Variants in RANBP9 observed in about 807,000 individuals in gnomAD.
RANBP9 encodes the protein ran-binding protein 9.
RANBP9 carries 15 observed loss-of-function variants against 84.3 expected under a neutral mutation model. The ratio of observed to expected loss-of-function variants is 0.18; its 90% CI spans 0.12 to 0.27. The LOEUF is 0.27. Ranked by LOEUF, RANBP9 falls within the 10% of genes least tolerant of loss-of-function variation. RANBP9 has a pLI of 1.00. For synonymous variants in RANBP9, 392 were observed against 349.6 expected, an observed-to-expected ratio of 1.12 and a Z score of -1.35; for missense variants, 809 against 912.8, an observed-to-expected ratio of 0.89 and a Z score of 1.46.
intron 8 of RANBP9, among the ~76,000 whole-genome samples, chr6:13,640,025 G>C (rs546420384): frequency 1.3e-5 from 2 of 152,078 alleles, no homozygotes; most frequent in Non-Finnish European, 2.9e-5. Flanking sequence ...AAGAAGATAT[G>C]AACCCCATTT....
At position 13,684,736 on chromosome 6, in the gene RANBP9, T is replaced by C. The variant is rs1766128696; in HGVS notation, c.683+12049A>G. Among the ~76,000 whole-genome samples, 4 of 152,098 alleles carry C rather than the reference T, an allele frequency of 2.6e-5. No individual in the cohort carries two copies. In the South Asian group the frequency reaches 8.3e-4, roughly 32 times the overall value. On this transcript the variant is annotated intron_variant, in intron 2 of 13. Transcript: ENST00000011619. ...CTCCCTAAAGGGATACTCTAACGGG[T>C]AGGACAGATCTTAAATAAATAATTA... is the stretch of plus-strand genomic sequence containing the variant.
Position 13,687,266 on chromosome 6 carries a change from C to A in RANBP9, c.683+9519G>T, listed in dbSNP as rs150190325. Among the ~76,000 whole-genome samples, 795 of 152,238 alleles carry A rather than the reference C, an allele frequency of 5.2e-3. 4 individuals are homozygous for A. The highest frequency in any genetic ancestry group is 0.018 in the African/African-American group (750 of 41,546). On this transcript the variant is annotated intron_variant, in intron 2 of 13. Transcript: ENST00000011619. ...CATTTATTTTTAGTCAAAGCCTTTGCTATTAATTTTCTGGGATTCCCCTAG... is the reference window on the plus strand; with the variant it reads ...CATTTATTTTTAGTCAAAGCCTTTGATATTAATTTTCTGGGATTCCCCTAG...
At chr6:13,632,648 A>G in intron 11 of RANBP9, 127 bp from the exon 12 acceptor site, 2 of 903,040 alleles carry the variant, frequency 2.2e-6, no homozygotes, top group Non-Finnish European at 3.3e-6. Flanking sequence ...CTAAATATGC[A>G]GATTGTTAAA....
intron 10 of RANBP9, among the ~76,000 whole-genome samples, chr6:13,637,032 A>C (rs974778490): frequency 1.3e-5 from 2 of 152,226 alleles, no homozygotes; most frequent in Non-Finnish European, 2.9e-5. Context: ...AAATTGACCC[A>C]GTCCTGGATG....
intron 5 of RANBP9, among the ~76,000 whole-genome samples, chr6:13,645,640 G>A (rs976536015): frequency 6.6e-6 from 1 of 152,118 alleles, no homozygotes; most frequent in East Asian, 1.9e-4. Context: ...GCTCATGGTC[G>A]TTCTGCTAAC....
chr6:13,701,573 G>C (rs1757971590), intron 1 of RANBP9, among the ~76,000 whole-genome samples: 1 of 152,104 alleles, frequency 6.6e-6, no homozygotes, highest in Non-Finnish European at 1.5e-5. Context: ...TGGAGTTCGA[G>C]ACCAGCCTGG....
chr6:13,687,958 C>CCAGCAGCAGCAGTGGCAGCAGCCAG (rs1446753772), intron 2 of RANBP9, among the ~76,000 whole-genome samples: 6 of 152,340 alleles, frequency 3.9e-5, no homozygotes, highest in African/African-American at 1.4e-4. Flanking sequence ...TGAGCTTCCT[C>CCAGCAGCAGCAGTGGCAGCAGCCAG]CAGCAGCAGC....
At chr6:13,656,037 CAGAAAT>C (rs1430311241) in intron 4 of RANBP9, among the ~76,000 whole-genome samples, 1 of 152,026 alleles carries the variant, frequency 6.6e-6, no homozygotes, top group Non-Finnish European at 1.5e-5. Flanking sequence ...AATCAGTAAT[CAGAAAT>C]AGAAATGCTA....
chr6:13,651,287 AAG>A (rs1274224701), intron 5 of RANBP9, among the ~76,000 whole-genome samples: 1 of 152,150 alleles, frequency 6.6e-6, no homozygotes, highest in East Asian at 1.9e-4. Context: ...ACCTCTACCG[AAG>A]AGAGTTACTG....
intron 2 of RANBP9, among the ~76,000 whole-genome samples, chr6:13,693,574 C>T (rs1047613268): frequency 6.6e-6 from 1 of 152,020 alleles, no homozygotes. Context: ...TGGTGAAACC[C>T]CGACTCTACT....
At chr6:13,629,920 T>G (rs150144108) in intron 12 of RANBP9, among the ~76,000 whole-genome samples, 1,597 of 82,110 alleles carry the variant, frequency 0.019, 12 homozygotes, top group African/African-American at 0.046. Flanking sequence ...TCTCTCTCTC[T>G]CGTGTGTGTG....
chr6:13,624,840 A>C (rs1322708745), intron 13 of RANBP9, among the ~76,000 whole-genome samples: 3 of 152,196 alleles, frequency 2.0e-5, no homozygotes, highest in Non-Finnish European at 2.9e-5. Flanking sequence ...ATATAAATGC[A>C]AATAGAATGT....
chr6:13,633,664 A>G (rs1013710270), intron 11 of RANBP9, among the ~76,000 whole-genome samples: 1 of 152,232 alleles, frequency 6.6e-6, no homozygotes, highest in African/African-American at 2.4e-5. Context: ...ATTACTCTTC[A>G]GAAACTGAGG....
intron 1 of RANBP9, among the ~76,000 whole-genome samples, chr6:13,700,568 G>C (rs984824253): frequency 1.3e-5 from 2 of 152,098 alleles, no homozygotes; most frequent in East Asian, 3.9e-4. Flanking sequence ...TCTCCAACTT[G>C]GTTGAAGCTC....
rs1156426809 is a variant in RANBP9 at position 13,642,468 on chromosome 6, A to C, written c.1225+11T>G. The C allele has an allele frequency of 6.7e-7, 1 of 1,482,004 alleles. No individual in the cohort carries two copies. Among genetic ancestry groups the C allele is most frequent in the Non-Finnish European group, 9.2e-7 (1 of 1,083,424 alleles). 91.8% of individuals were successfully genotyped at this position (1,482,004 alleles called of 1,614,324 possible). Reference sequence around the variant, plus strand: ...AAAACAAATGTTAGCCATGCACCACAGTGTCCTTACTTTGTCTATTCTTAA... The same window carrying C: ...AAAACAAATGTTAGCCATGCACCACCGTGTCCTTACTTTGTCTATTCTTAA... On this transcript the variant is annotated intron_variant, in intron 7 of 13. Transcript: ENST00000011619.
intron 1 of RANBP9, among the ~76,000 whole-genome samples, chr6:13,700,198 T>C (rs1319470188): frequency 1.3e-5 from 2 of 152,230 alleles, no homozygotes; most frequent in African/African-American, 4.8e-5. Flanking sequence ...CATTCTACCC[T>C]ATTCCCACTC....
At chr6:13,640,981 T>A (rs954966237) in intron 8 of RANBP9, among the ~76,000 whole-genome samples, 1 of 152,134 alleles carries the variant, frequency 6.6e-6, no homozygotes, top group Non-Finnish European at 1.5e-5. Flanking sequence ...ATAAATAGAA[T>A]AATAAAAGCA....
At chr6:13,636,864 T>A (rs1764951264) in intron 10 of RANBP9, among the ~76,000 whole-genome samples, 1 of 151,366 alleles carries the variant, frequency 6.6e-6, no homozygotes. Flanking sequence ...AATACAGATT[T>A]TTTTTTACAT....
rs996556051 is a variant in RANBP9 at position 13,621,765 on chromosome 6, TAAAAC to T, written c.*592_*596del. On this transcript the variant is annotated 3_prime_UTR_variant, in exon 14 of 14. Transcript: ENST00000011619. ...GAAACAAAGTTGAAAAAGACCATGTTAAAACAAAACTACTGGGACTAACAGGTCGG... is the reference window on the plus strand; with the variant it reads ...GAAACAAAGTTGAAAAAGACCATGTTAAAACTACTGGGACTAACAGGTCGG... The T allele has an allele frequency of 3.9e-5, 6 of 152,632 alleles. No individual in the cohort carries two copies. The highest frequency in any genetic ancestry group is 1.2e-4 in the African/African-American group (5 of 41,446). The allele number at this position is 152,632 out of a possible 1,614,324, so 9.5% of individuals were successfully genotyped here.
Sources: allele counts gnomAD v4.1 joint callset (sites outside exome capture counted in the v4.1 genomes callset), GRCh38; gene constraint gnomAD v4.1.1; transcripts MANE v1.5; gene names NCBI Gene and HGNC (gene_info 2026-07-23, HGNC 2026-07-21).